MPHOSPH8: variants seen among roughly 807,000 people sequenced by gnomAD.
The protein encoded by MPHOSPH8 is M-phase phosphoprotein, mpp.
Under a neutral mutation model 87.3 loss-of-function variants are expected in MPHOSPH8, and 45 were observed. The ratio of observed to expected loss-of-function variants is 0.52; its 90% confidence interval spans 0.41 to 0.66. The LOEUF is 0.66. Among genes scored for constraint, MPHOSPH8 ranks in the 30% least tolerant of loss-of-function variants. The pLI, the probability that MPHOSPH8 is intolerant of heterozygous loss-of-function variation, is 0.00. For missense variants in MPHOSPH8, 883 were observed against 1,020.2 expected (o/e 0.87, Z 1.83); for synonymous variants, 366 against 376.9 (o/e 0.97, Z 0.33).
At position 19,661,805 on chromosome 13, in the gene MPHOSPH8, C is replaced by T. The variant is rs751591575; in HGVS notation, c.1899C>T (p.Asn633=). The change falls in exon 8 of 14, where the codon AAC becomes AAT. Residue 633 remains asparagine (N), a synonymous_variant. Coordinates refer to ENST00000361479, the MANE Select transcript of MPHOSPH8 (RefSeq NM_017520.4). ...KGAKVNGRQK[N]GTTALIHAAE... The stretch of plus-strand genomic sequence containing the variant: ...CGAAAGTGAACGGTCGGCAGAAGAA[C>T]GGGACCACCGCCCTCATTCATGCTG... 35 of 1,612,982 alleles carry T rather than the reference C, an allele frequency of 2.2e-5. No homozygotes were observed. Among genetic ancestry groups the T allele is most frequent in the Middle Eastern group, 1.6e-4 (1 of 6,082 alleles).
intron 9 of MPHOSPH8, among the ~76,000 whole-genome samples, chr13:19,665,821 A>G (rs759778026): frequency 1.3e-5 from 2 of 152,352 alleles, no homozygotes; most frequent in African/African-American, 4.8e-5. Flanking sequence ...CACGTGGCTA[A>G]TAAGTGACAG....
chr13:19,650,023 G>A lies in MPHOSPH8; in HGVS notation c.1339G>A (p.Ala447Thr), dbSNP rs1020633326. The A allele has an allele frequency of 1.8e-5, 28 of 1,594,842 alleles. No individual in the cohort carries two copies. The highest frequency in any genetic ancestry group is 2.0e-5 in the Non-Finnish European group (23 of 1,170,840). The change falls in exon 5 of 14, where the codon GCA (alanine) becomes ACA (threonine). Residue 447 changes from alanine (A) to threonine (T), a missense_variant. Coordinates refer to ENST00000361479, the MANE Select transcript of MPHOSPH8 (RefSeq NM_017520.4). ...GLKTLKEIRN[A>T]FDLFKLTPEE... Reference sequence around the variant, plus strand: ...GTTAGCACTTAAGGAAATCAGAAATGCATTTGATTTATTTAAATTAACTCC... The same window carrying A: ...GTTAGCACTTAAGGAAATCAGAAATACATTTGATTTATTTAAATTAACTCC...
At position 19,647,304 on chromosome 13, in the gene MPHOSPH8, G is replaced by A. The variant is rs1289329965; in HGVS notation, c.1218+13G>A. The stretch of plus-strand genomic sequence containing the variant: ...CTCAGCCGAGGAGGTAAGGGCCACG[G>A]GAGGCAGCAGAAAACCCATGTTGAG... On this transcript the variant is annotated intron_variant, in intron 3 of 13. Transcript: ENST00000361479. The A allele has an allele frequency of 1.9e-6, 3 of 1,566,360 alleles. No homozygotes were observed. The highest frequency in any genetic ancestry group is 1.7e-4 in the Middle Eastern group (1 of 5,806).
Position 19,646,720 on chromosome 13 carries a change from C to T in MPHOSPH8, c.647C>T (p.Pro216Leu). The T allele has an allele frequency of 6.3e-7, 1 of 1,585,870 alleles. No homozygotes were observed. The highest frequency in any genetic ancestry group is 1.2e-5 in the South Asian group (1 of 84,968). Residue 216 changes from proline (P) to leucine (L), a missense_variant, in exon 3 of 14, where the codon CCC becomes CTC. Pro to Leu is a moderately conservative substitution (Grantham distance 98). Coordinates refer to ENST00000361479, the MANE Select transcript of MPHOSPH8 (RefSeq NM_017520.4). ...GAAGAACTAAAGGAGTCCAAAAAGC[C>T]CAAAAAAGATGAAGTAAAAGAAACA... Reference protein sequence around the residue: ...AKEELKESKKPKKDEVKETKE... With the variant: ...AKEELKESKKLKKDEVKETKE...
intron 5 of MPHOSPH8, 128 bp from the exon 6 acceptor site, chr13:19,658,867 T>A: frequency 8.7e-7 from 1 of 1,155,942 alleles, no homozygotes. Context: ...AAAGACCCCA[T>A]TATACAATGA....
chr13:19,670,079 C>CT (rs918943243), intron 11 of MPHOSPH8, among the ~76,000 whole-genome samples, 157 bp from the exon 12 acceptor site: 4 of 152,200 alleles, frequency 2.6e-5, no homozygotes, highest in Non-Finnish European at 5.9e-5. Context: ...GTGACACGAG[C>CT]TTTGAGAGGG....
chr13:19,658,934 A>C, intron 5 of MPHOSPH8, 61 bp from the exon 6 acceptor site: 1 of 1,579,962 alleles, frequency 6.3e-7, no homozygotes, highest in Non-Finnish European at 8.6e-7. Context: ...TTCATAAACA[A>C]CATTGTGGGT....
intron 12 of MPHOSPH8, chr13:19,670,789 AT>A (rs1876077145): frequency 1.6e-6 from 2 of 1,214,734 alleles, no homozygotes; most frequent in Non-Finnish European, 1.0e-6. Context: ...TCATTTGTAT[AT>A]TTTTAATAAA....
At chr13:19,662,681 C>T (rs1301058826) in intron 8 of MPHOSPH8, among the ~76,000 whole-genome samples, 1 of 152,156 alleles carries the variant, frequency 6.6e-6, no homozygotes, top group African/African-American at 2.4e-5. Flanking sequence ...GATTAAAGTA[C>T]TAATATTTTA....
At chr13:19,652,855 G>T (rs961546729) in intron 5 of MPHOSPH8, among the ~76,000 whole-genome samples, 1 of 151,034 alleles carries the variant, frequency 6.6e-6, no homozygotes, top group Non-Finnish European at 1.5e-5. Flanking sequence ...GCTCAGCAAG[G>T]CTGCTGTGGC....
intron 5 of MPHOSPH8, 97 bp downstream of exon 5, chr13:19,650,357 T>C (rs1247767404): frequency 2.2e-6 from 3 of 1,366,208 alleles, no homozygotes; most frequent in East Asian, 4.6e-5. Context: ...GATCAAAAAA[T>C]AATGGAGTCG....
At position 19,663,127 on chromosome 13, in the gene MPHOSPH8, G is replaced by A. The variant is rs1490455180; in HGVS notation, c.2019+1G>A. 1 of 1,611,484 alleles carries A rather than the reference G, an allele frequency of 6.2e-7. No homozygotes were observed. Among genetic ancestry groups the A allele is most frequent in the Non-Finnish European group, 8.5e-7 (1 of 1,177,730 alleles). On this transcript the variant is annotated splice_donor_variant, in intron 9 of 13. Coordinates refer to ENST00000361479, the MANE Select transcript of MPHOSPH8 (RefSeq NM_017520.4). LOFTEE classifies it high-confidence loss of function. ...CAATGGTGAGACTGCACTGATGAAG[G>A]TAAATCCCTCCTGCAGGTCATCCCT...
intron 5 of MPHOSPH8, among the ~76,000 whole-genome samples, chr13:19,651,208 C>A (rs1054477867): frequency 5.9e-5 from 9 of 152,302 alleles, no homozygotes; most frequent in Admixed American, 4.6e-4. Context: ...TGAAAGAATT[C>A]TATGAGCAAT....
At chr13:19,640,978 A>G (rs548700199) in intron 1 of MPHOSPH8, among the ~76,000 whole-genome samples, 6 of 152,328 alleles carry the variant, frequency 3.9e-5, no homozygotes, top group African/African-American at 1.4e-4. Context: ...TATTAATGTA[A>G]TAGGTGAAGG....
Position 19,633,666 on chromosome 13 carries a change from A to G in MPHOSPH8, c.-83A>G. On this transcript the variant is annotated 5_prime_UTR_variant, in exon 1 of 14. Transcript: ENST00000361479. Reference sequence around the variant, plus strand: ...GGCTTCCGTTACGCCGCTGATGTGGAGTAGGGCCGAGCGCGGAACGCGAGG... The same window carrying G: ...GGCTTCCGTTACGCCGCTGATGTGGGGTAGGGCCGAGCGCGGAACGCGAGG... The G allele has an allele frequency of 6.9e-7, 1 of 1,439,980 alleles. No homozygotes were observed. Among genetic ancestry groups the G allele is most frequent in the Non-Finnish European group, 9.5e-7 (1 of 1,048,802 alleles). The allele number at this position is 1,439,980 out of a possible 1,614,324, so 89.2% of individuals were successfully genotyped here.
chr13:19,672,621 T>A lies in MPHOSPH8; in HGVS notation c.*746T>A, dbSNP rs1876200030. The A allele has an allele frequency of 6.5e-6, 1 of 153,828 alleles. No individual in the cohort carries two copies. Among genetic ancestry groups the A allele is most frequent in the Non-Finnish European group, 1.4e-5 (1 of 69,272 alleles). The allele number at this position is 153,828 out of a possible 1,614,324, so 9.5% of individuals were successfully genotyped here. ...TGTGGGTTTGCTGCCCTTGAAAGGG[T>A]TGGGAGGCCTGATCTTTTTCTAGTA... On this transcript the variant is annotated 3_prime_UTR_variant, in exon 14 of 14. Transcript: ENST00000361479.
In MPHOSPH8 at chr13:19,672,020, A is replaced by G. The variant is rs913042184; in HGVS notation, c.*145A>G. ...AAGCCTGTTGTCTGTTGTAGTCTGTAAGATGCGACATAGCTGTGTCTGTGC... is the reference window on the plus strand; with the variant it reads ...AAGCCTGTTGTCTGTTGTAGTCTGTGAGATGCGACATAGCTGTGTCTGTGC... On this transcript the variant is annotated 3_prime_UTR_variant, in exon 14 of 14. Coordinates refer to ENST00000361479, the MANE Select transcript of MPHOSPH8 (RefSeq NM_017520.4). 5.3e-6 allele frequency: 4 copies of G among 752,468 alleles called. No individual in the cohort carries two copies. Among genetic ancestry groups the G allele is most frequent in the Non-Finnish European group, 9.0e-6 (4 of 446,814 alleles). The allele number at this position is 752,468 out of a possible 1,614,324, so 46.6% of individuals were successfully genotyped here.
chr13:19,635,216 G>C (rs1873941107), intron 1 of MPHOSPH8, among the ~76,000 whole-genome samples: 1 of 152,186 alleles, frequency 6.6e-6, no homozygotes, highest in African/African-American at 2.4e-5. Context: ...GCACACAGGA[G>C]GTATTTGAAA....
chr13:19,666,051 C>CG (rs1186023563), intron 9 of MPHOSPH8, among the ~76,000 whole-genome samples: 3 of 152,160 alleles, frequency 2.0e-5, no homozygotes, highest in Non-Finnish European at 4.4e-5. Context: ...GGCTGGCTCA[C>CG]GGGGGACAGC....
Sources: gnomAD v4.1 joint callset for allele counts (sites outside exome capture counted in the v4.1 genomes callset) on GRCh38, gnomAD v4.1.1 for gene constraint, MANE v1.5 for transcripts, NCBI Gene and HGNC (gene_info 2026-07-23, HGNC 2026-07-21) for gene names.